ATP8A2: variants seen among roughly 807,000 people sequenced by gnomAD.
The protein encoded by ATP8A2 is ATPase phospholipid transporting 8A2, also known as phospholipid-transporting ATPase IB.
A neutral mutation model predicts 165.6 loss-of-function variants in ATP8A2; 100 were observed. That is an observed-to-expected ratio of 0.60 (90% CI 0.51 to 0.71). The LOEUF (loss-of-function observed/expected upper bound fraction) is 0.71. Among genes scored for constraint, ATP8A2 ranks in the 30% least tolerant of loss-of-function variants. The probability of loss-of-function intolerance (pLI) is 0.00; values close to 1 mark genes in which losing one functional copy is unlikely to be tolerated. For missense variants in ATP8A2, 1,227 were observed against 1,479.5 expected, an observed-to-expected ratio of 0.83 and a Z score of 2.80; for synonymous variants, 543 against 548.8, an observed-to-expected ratio of 0.99 and a Z score of 0.15.
intron 2 of ATP8A2, among the ~76,000 whole-genome samples, chr13:25,499,177 C>A (rs2036772632): frequency 6.6e-6 from 1 of 152,156 alleles, no homozygotes; most frequent in Non-Finnish European, 1.5e-5. Flanking sequence ...TGGGCCCAGA[C>A]CCTAGTGTAT....
At chr13:25,760,002 A>C (rs2044347425) in intron 25 of ATP8A2, among the ~76,000 whole-genome samples, 1 of 152,178 alleles carries the variant, frequency 6.6e-6, no homozygotes, top group African/African-American at 2.4e-5. Flanking sequence ...TGAACCCCCA[A>C]GCAAAGTATC....
At chr13:25,413,070 G>C (rs1487571799) in intron 1 of ATP8A2, among the ~76,000 whole-genome samples, 1 of 152,024 alleles carries the variant, frequency 6.6e-6, no homozygotes, top group Non-Finnish European at 1.5e-5. Context: ...CACCCACCTC[G>C]ATCTCCCAAA....
chr13:25,884,216 G>C (rs537613588), intron 33 of ATP8A2, among the ~76,000 whole-genome samples: 2 of 152,240 alleles, frequency 1.3e-5, no homozygotes, highest in African/African-American at 4.8e-5. Context: ...AGGACAAGTT[G>C]GAGTTACATG....
intron 33 of ATP8A2, among the ~76,000 whole-genome samples, chr13:25,940,492 G>A (rs915470658): frequency 2.0e-5 from 3 of 152,138 alleles, no homozygotes; most frequent in Non-Finnish European, 4.4e-5. Flanking sequence ...GGCCCCACCG[G>A]CCTTTCCTCC....
chr13:25,768,081 G>GC (rs1458481374), intron 25 of ATP8A2, among the ~76,000 whole-genome samples: 1 of 133,530 alleles, frequency 7.5e-6, no homozygotes, highest in African/African-American at 2.7e-5. Context: ...TGGCGTGGGG[G>GC]GGGGGTGGTG....
chr13:25,570,993 T>A, intron 17 of ATP8A2, 121 bp downstream of exon 17: 1 of 689,698 alleles, frequency 1.4e-6, no homozygotes, highest in South Asian at 2.0e-5. Flanking sequence ...GCTGTTGGCC[T>A]CACCCTGTGG....
At chr13:25,388,471 A>C (rs2033133437) in intron 1 of ATP8A2, among the ~76,000 whole-genome samples, 1 of 152,182 alleles carries the variant, frequency 6.6e-6, no homozygotes, top group Admixed American at 6.5e-5. Flanking sequence ...TCAGGACTCT[A>C]AGGGGGTCCG....
At chr13:25,768,199 G>C (rs1222107740) in intron 25 of ATP8A2, among the ~76,000 whole-genome samples, 1 of 152,098 alleles carries the variant, frequency 6.6e-6, no homozygotes, top group Non-Finnish European at 1.5e-5. Flanking sequence ...TGAGATGCTA[G>C]TCTTTGCTTC....
intron 1 of ATP8A2, among the ~76,000 whole-genome samples, chr13:25,442,333 T>A (rs2034953094): frequency 6.6e-6 from 1 of 152,246 alleles, no homozygotes; most frequent in Non-Finnish European, 1.5e-5. Context: ...CTGTTTTCCA[T>A]AGCAGCTGCA....
intron 35 of ATP8A2, among the ~76,000 whole-genome samples, chr13:25,992,729 G>A (rs1956420242): frequency 6.6e-6 from 1 of 150,834 alleles, no homozygotes; most frequent in Non-Finnish European, 1.5e-5. Context: ...GGGTACATGT[G>A]CACATTGTGC....
In ATP8A2 at chr13:26,023,310, G is replaced by A. The variant is rs796370023; in HGVS notation, c.*3325G>A. 1.1e-4 allele frequency: 16 copies of A among 152,288 alleles called. No individual in the cohort carries two copies. Among genetic ancestry groups the A allele is most frequent in the African/African-American group, 3.9e-4 (16 of 41,556 alleles). 9.4% of individuals were successfully genotyped at this position (152,288 alleles called of 1,614,324 possible). A position where few individuals can be genotyped will look rare whatever the true frequency, so the allele number is the denominator to read the frequency against. ...AACGTGCTTTGGGGCGAGGAGTGCT[G>A]TTTCTTTTAACACTTGTAGAGGAAT... On this transcript the variant is annotated 3_prime_UTR_variant, in exon 37 of 37. Coordinates refer to ENST00000381655, the MANE Select transcript of ATP8A2 (RefSeq NM_016529.6).
chr13:25,578,707 C>T (rs777942060), intron 20 of ATP8A2, 108 bp from the exon 21 acceptor site: 8 of 736,026 alleles, frequency 1.1e-5, no homozygotes, highest in Middle Eastern at 2.9e-4. Context: ...CTTACCCACT[C>T]GGGTATTCTC....
intron 24 of ATP8A2, among the ~76,000 whole-genome samples, chr13:25,633,767 G>A (rs1478260543): frequency 6.6e-6 from 1 of 152,128 alleles, no homozygotes; most frequent in Admixed American, 6.6e-5. Context: ...CTCGAGCCCA[G>A]GAGTTCAAGA....
At chr13:25,570,535 G>A (rs552909816) in intron 16 of ATP8A2, among the ~76,000 whole-genome samples, 6 of 152,156 alleles carry the variant, frequency 3.9e-5, no homozygotes, top group Non-Finnish European at 5.9e-5. Flanking sequence ...GAGCTAAAGC[G>A]CAGGAGCTGC....
At position 25,372,881 on chromosome 13, in the gene ATP8A2, G is replaced by GCACA. The variant is rs150904277; in HGVS notation, c.76+604_76+607dup. Among the ~76,000 whole-genome samples, 762 of 151,584 alleles carry GCACA rather than the reference G, an allele frequency of 5.0e-3. 26 individuals carry two copies. In the East Asian group the frequency reaches 0.1, roughly 20 times the overall value. ...CGAACACACACACGCACACGCGCGC[G>GCACA]CACACACACACACAGGTACACACAC... On this transcript the variant is annotated intron_variant, in intron 1 of 36. Coordinates refer to ENST00000381655, the MANE Select transcript of ATP8A2 (RefSeq NM_016529.6). This position sits in a 1 kb window ranked among gnomAD's most constrained non-coding sequence, Gnocchi z 4.8.
chr13:25,895,749 G>T (rs2138921861), intron 33 of ATP8A2, among the ~76,000 whole-genome samples: 1 of 152,212 alleles, frequency 6.6e-6, no homozygotes, highest in East Asian at 1.9e-4. Flanking sequence ...ACTTATTCCT[G>T]GTTTAGTCTT....
At chr13:25,522,600 G>A (rs1200705775) in intron 2 of ATP8A2, among the ~76,000 whole-genome samples, 1 of 152,074 alleles carries the variant, frequency 6.6e-6, no homozygotes, top group Non-Finnish European at 1.5e-5. Flanking sequence ...CTAGTTTGTT[G>A]AGGATCTTTA....
intron 6 of ATP8A2, among the ~76,000 whole-genome samples, chr13:25,537,573 A>T (rs1164201012): frequency 3.3e-5 from 5 of 152,182 alleles, no homozygotes; most frequent in African/African-American, 7.2e-5. Context: ...TCATCATTAC[A>T]CAGCTCATCA....
intron 24 of ATP8A2, among the ~76,000 whole-genome samples, chr13:25,602,709 T>C (rs914893371): frequency 2.6e-5 from 4 of 151,962 alleles, no homozygotes; most frequent in African/African-American, 7.3e-5. Flanking sequence ...AGAGCATTGT[T>C]AGGAGATTCT....
Sources: gnomAD v4.1 joint callset for allele counts (sites outside exome capture counted in the v4.1 genomes callset) on GRCh38, gnomAD v4.1.1 for gene constraint, Gnocchi (gnomAD v3.1) non-coding constraint, MANE v1.5 for transcripts, NCBI Gene and HGNC (gene_info 2026-07-23, HGNC 2026-07-21) for gene names.